Variants in GPC5 observed in about 807,000 individuals in gnomAD.
GPC5 encodes the protein glypican-5.
GPC5 carries 47 observed loss-of-function variants against 53.9 expected under a neutral mutation model. The observed-to-expected ratio is 0.87, with a 90% CI of 0.69 to 1.11. The LOEUF (loss-of-function observed/expected upper bound fraction) is 1.11, where lower values mean the gene tolerates loss of function less well. Among genes scored for constraint, GPC5 ranks in the 50% most tolerant of loss-of-function variants. The pLI is 0.00. For synonymous variants in GPC5, 286 were observed against 263.3 expected (o/e 1.09, Z -0.84); for missense variants, 748 against 713.1 (o/e 1.05, Z -0.56).
At position 92,594,750 on chromosome 13, in the gene GPC5, TTGAAA is replaced by T. The variant is rs567034140; in HGVS notation, c.1562-271526_1562-271522del. 3.2e-4 allele frequency among the ~76,000 whole-genome samples: 49 copies of T among 152,318 alleles called. 1 individual carries two copies. In the East Asian group the frequency reaches 8.5e-3, roughly 26 times the overall value. On this transcript the variant is annotated intron_variant, in intron 7 of 7. Transcript: ENST00000377067. ...ACAAAAAAAGGAGAAAAAATATCAC[TTGAAA>T]TGAAACGTCCCCATTCCTATCTACT... is the stretch of plus-strand genomic sequence containing the variant.
At chr13:91,935,211 G>T (rs560818822) in intron 6 of GPC5, among the ~76,000 whole-genome samples, 2 of 152,078 alleles carry the variant, frequency 1.3e-5, no homozygotes, top group South Asian at 4.1e-4. Flanking sequence ...AATCTCATCT[G>T]AATTGCTAAT....
At chr13:92,218,271 T>C (rs1436434297) in intron 7 of GPC5, among the ~76,000 whole-genome samples, 1 of 152,104 alleles carries the variant, frequency 6.6e-6, no homozygotes, top group African/African-American at 2.4e-5. Flanking sequence ...GAATCCTAAG[T>C]TGTAAAGAAA....
intron 7 of GPC5, among the ~76,000 whole-genome samples, chr13:92,379,197 C>T (rs1259822254): frequency 6.6e-6 from 1 of 152,206 alleles, no homozygotes; most frequent in Non-Finnish European, 1.5e-5. Flanking sequence ...CTTTCCCACA[C>T]ATTGATGTAT....
chr13:92,821,735 C>A (rs1877681148), intron 7 of GPC5, among the ~76,000 whole-genome samples: 3 of 152,130 alleles, frequency 2.0e-5, no homozygotes, highest in Admixed American at 2.0e-4. Flanking sequence ...AATGTTATTT[C>A]TTTAAATAAA....
chr13:91,437,817 T>C (rs1219024536), intron 1 of GPC5, among the ~76,000 whole-genome samples: 1 of 152,250 alleles, frequency 6.6e-6, no homozygotes, highest in East Asian at 1.9e-4. Context: ...AGATTTGGTC[T>C]TTTCACATAG....
At chr13:91,886,678 G>C (rs114286383) in intron 5 of GPC5, among the ~76,000 whole-genome samples, 2,027 of 152,258 alleles carry the variant, frequency 0.013, 47 homozygotes, top group African/African-American at 0.047. Context: ...TGGTCGAAAC[G>C]AAGGGGCTAC....
At chr13:92,218,936 G>A (rs532672612) in intron 7 of GPC5, among the ~76,000 whole-genome samples, 1 of 152,266 alleles carries the variant, frequency 6.6e-6, no homozygotes, top group East Asian at 1.9e-4. Context: ...AATTAACTCT[G>A]ACTTTGAAAA....
At chr13:92,599,806 T>A (rs1410439580) in intron 7 of GPC5, among the ~76,000 whole-genome samples, 2 of 12,314 alleles carry the variant, frequency 1.6e-4, no homozygotes, top group African/African-American at 3.1e-4. Context: ...AAATTAAGAC[T>A]TTTTTTTTGT....
At chr13:92,626,066 T>G (rs6492623) in intron 7 of GPC5, among the ~76,000 whole-genome samples, 78,782 of 152,014 alleles carry the variant, frequency 0.52, 20,766 homozygotes, top group South Asian at 0.73. Flanking sequence ...ACCAGTTCAA[T>G]CAATTGAAGT....
intron 7 of GPC5, among the ~76,000 whole-genome samples, chr13:92,338,834 T>G (rs954308251): frequency 6.6e-6 from 1 of 152,104 alleles, no homozygotes; most frequent in African/African-American, 2.4e-5. Context: ...TATACATTTG[T>G]GCAGACCTAA....
At chr13:92,139,387 G>T (rs1006705933) in intron 6 of GPC5, among the ~76,000 whole-genome samples, 1 of 152,096 alleles carries the variant, frequency 6.6e-6, no homozygotes, top group Non-Finnish European at 1.5e-5. Flanking sequence ...ACGTGTTATG[G>T]CTGGGCGCAG....
intron 6 of GPC5, among the ~76,000 whole-genome samples, chr13:92,119,397 T>G (rs1381016614): frequency 8.2e-6 from 1 of 122,544 alleles, no homozygotes; most frequent in Non-Finnish European, 1.7e-5. Flanking sequence ...TTAGTTTTTT[T>G]TTTTTTTTTT....
chr13:92,783,753 T>C (rs1448474179), intron 7 of GPC5, among the ~76,000 whole-genome samples: 2 of 152,170 alleles, frequency 1.3e-5, no homozygotes, highest in Admixed American at 6.6e-5. Context: ...CTACTGTGAC[T>C]AAAGGTGATC....
rs188705867 is a variant in GPC5, at chr13:92,390,427, G to A, written c.1561+245438G>A. 4.0e-3 allele frequency among the ~76,000 whole-genome samples: 615 copies of A among 152,140 alleles called. 2 individuals are homozygous for A. The highest frequency in any genetic ancestry group is 0.014 in the African/African-American group (588 of 41,518). On this transcript the variant is annotated intron_variant, in intron 7 of 7. Transcript: ENST00000377067. The stretch of plus-strand genomic sequence containing the variant: ...AAAAACATAAGCTGATTTCTACAAA[G>A]ATAAACAATGAACCAGCATTAGGGT...
chr13:91,762,212 A>G (rs2037427624), intron 5 of GPC5, among the ~76,000 whole-genome samples: 1 of 152,164 alleles, frequency 6.6e-6, no homozygotes. Flanking sequence ...TAAAATAGAA[A>G]ACTTTATAAA....
At chr13:92,148,616 G>C (rs796764427) in intron 7 of GPC5, among the ~76,000 whole-genome samples, 3 of 152,086 alleles carry the variant, frequency 2.0e-5, no homozygotes, top group African/African-American at 7.2e-5. Context: ...ATATGTATTT[G>C]GTTCATTTAC....
At chr13:91,517,204 A>G (rs1885552001) in intron 2 of GPC5, among the ~76,000 whole-genome samples, 1 of 152,298 alleles carries the variant, frequency 6.6e-6, no homozygotes, top group East Asian at 1.9e-4. Flanking sequence ...TTTCTACTGC[A>G]TAGTCAGGCT....
intron 2 of GPC5, among the ~76,000 whole-genome samples, chr13:91,480,957 G>GT (rs11374638): frequency 0.46 from 68,073 of 148,118 alleles, 15,744 homozygotes; most frequent in East Asian, 0.59. Context: ...TATCTTGGAG[G>GT]TTTTTTTTTT....
chr13:91,692,217 A>G (rs1404372582), intron 2 of GPC5, among the ~76,000 whole-genome samples: 1 of 152,348 alleles, frequency 6.6e-6, no homozygotes, highest in African/African-American at 2.4e-5. Context: ...TGATAAGAAA[A>G]AGGATATGAT....
Sources: gnomAD v4.1 joint callset for allele counts (sites outside exome capture counted in the v4.1 genomes callset) on GRCh38, gnomAD v4.1.1 for gene constraint, MANE v1.5 for transcripts, NCBI Gene and HGNC (gene_info 2026-07-23, HGNC 2026-07-21) for gene names.